Variants in ZC3H12B observed in about 807,000 individuals in gnomAD.
The protein encoded by ZC3H12B is probable ribonuclease ZC3H12B.
In ZC3H12B, 7 loss-of-function variants were observed where a neutral mutation model predicts 43.9. That is an observed-to-expected ratio of 0.16 (90% CI 0.09 to 0.30). The LOEUF is 0.30. Among genes scored for constraint, ZC3H12B ranks in the 10% least tolerant of loss-of-function variants. The pLI is 1.00. For missense variants in ZC3H12B, 475 were observed against 670.2 expected (o/e 0.71, Z 3.22); for synonymous variants, 222 against 241.7 (o/e 0.92, Z 0.76).
intron 3 of ZC3H12B, among the ~76,000 whole-genome samples, chrX:65,448,093 G>A (rs1357851690): frequency 9.0e-6 from 1 of 110,640 alleles, no homozygotes; most frequent in African/African-American, 3.3e-5. Context: ...AAATTAGCCG[G>A]GTGTGGTGGT....
the ZC3H12B span, among the ~76,000 whole-genome samples, chrX:65,349,333 A>G: frequency 1.8e-5 from 2 of 112,111 alleles, no homozygotes; most frequent in Non-Finnish European, 3.8e-5. Context: ...ACGAAGACAC[A>G]GTGTACCAGA....
the ZC3H12B span, among the ~76,000 whole-genome samples, chrX:65,090,705 A>G: frequency 2.7e-5 from 3 of 110,774 alleles, no homozygotes; most frequent in Non-Finnish European, 3.8e-5. Context: ...AGATGGGGAG[A>G]TTTTCCTTAG....
chrX:65,197,347 G>T, the ZC3H12B span, among the ~76,000 whole-genome samples: 1 of 112,279 alleles, frequency 8.9e-6, no homozygotes, highest in Non-Finnish European at 1.9e-5. Context: ...AAAATCTCCT[G>T]TGCTCCTTGT....
chrX:65,184,330 A>G, the ZC3H12B span, among the ~76,000 whole-genome samples: 4 of 111,451 alleles, frequency 3.6e-5, no homozygotes, highest in East Asian at 8.5e-4. Flanking sequence ...ATAGTATACC[A>G]TGTTATATTT....
chrX:65,255,412 A>C, the ZC3H12B span, among the ~76,000 whole-genome samples: 1 of 112,096 alleles, frequency 8.9e-6, no homozygotes, highest in Non-Finnish European at 1.9e-5. Context: ...AATATTTGTA[A>C]AGAAAAGAAT....
At chrX:65,172,383 G>C in the ZC3H12B span, among the ~76,000 whole-genome samples, 4 of 111,737 alleles carry the variant, frequency 3.6e-5, no homozygotes, top group African/African-American at 1.3e-4. Context: ...TATGTTGCCT[G>C]TTCACTCTGA....
the ZC3H12B span, chrX:65,186,436 G>A: frequency 1.9e-5 from 2 of 104,710 alleles, no homozygotes; most frequent in Non-Finnish European, 3.9e-5. Flanking sequence ...GAGTTGCAGT[G>A]AGCCAAGATC....
intron 2 of ZC3H12B, among the ~76,000 whole-genome samples, chrX:65,389,199 G>T (rs992016088): frequency 1.8e-5 from 2 of 112,258 alleles, no homozygotes; most frequent in African/African-American, 3.2e-5. Flanking sequence ...AGAGGATTCT[G>T]CTGCCTTTTG....
the ZC3H12B span, among the ~76,000 whole-genome samples, chrX:65,344,034 T>G: frequency 8.9e-6 from 1 of 112,055 alleles, no homozygotes; most frequent in African/African-American, 3.2e-5. Flanking sequence ...TATACACCAA[T>G]GACGGTCAAG....
the ZC3H12B span, among the ~76,000 whole-genome samples, chrX:65,154,503 T>G: frequency 8.0e-5 from 9 of 112,193 alleles, no homozygotes; most frequent in African/African-American, 2.9e-4. Context: ...ACATGGACAT[T>G]TATCTCTGTG....
At chrX:65,061,529 G>A in the ZC3H12B span, among the ~76,000 whole-genome samples, 1 of 112,228 alleles carries the variant, frequency 8.9e-6, no homozygotes, top group African/African-American at 3.2e-5. Context: ...GTATTCCATG[G>A]TGTGTATGTG....
chrX:65,467,326 C>T (rs1343651486), intron 3 of ZC3H12B, among the ~76,000 whole-genome samples: 1 of 110,522 alleles, frequency 9.0e-6, no homozygotes, highest in Non-Finnish European at 1.9e-5. Flanking sequence ...TATACAGGTA[C>T]CACATTTTCT....
At chrX:65,376,551 C>T (rs981999010) in intron 2 of ZC3H12B, among the ~76,000 whole-genome samples, 4 of 111,734 alleles carry the variant, frequency 3.6e-5, no homozygotes, top group Non-Finnish European at 5.6e-5. Flanking sequence ...CACACGACAC[C>T]TAGCTCCAAG....
At chrX:65,111,665 C>T in the ZC3H12B span, among the ~76,000 whole-genome samples, 1 of 109,954 alleles carries the variant, frequency 9.1e-6, no homozygotes, top group East Asian at 2.9e-4. Context: ...CACAATATTT[C>T]AACCTTTTTC....
chrX:65,103,924 A>G, the ZC3H12B span, among the ~76,000 whole-genome samples: 1 of 111,814 alleles, frequency 8.9e-6, no homozygotes, highest in Non-Finnish European at 1.9e-5. Context: ...ACTACTTTAA[A>G]TTTCATATGG....
the ZC3H12B span, among the ~76,000 whole-genome samples, chrX:65,145,979 A>G: frequency 7.2e-5 from 8 of 111,424 alleles, no homozygotes; most frequent in African/African-American, 2.6e-4. Flanking sequence ...TCTTCTTGCA[A>G]TGAATTTCCC....
At chrX:65,292,563 T>G in the ZC3H12B span, among the ~76,000 whole-genome samples, 3 of 110,984 alleles carry the variant, frequency 2.7e-5, no homozygotes, top group Non-Finnish European at 5.7e-5. Context: ...ACAAGCAAAC[T>G]ACTCTGGCAC....
At chrX:65,155,786 G>A in the ZC3H12B span, among the ~76,000 whole-genome samples, 1 of 110,655 alleles carries the variant, frequency 9.0e-6, no homozygotes, top group African/African-American at 3.3e-5. Context: ...CTTCAGCTTG[G>A]GAGTACTAGG....
the ZC3H12B span, among the ~76,000 whole-genome samples, chrX:65,287,753 G>A: frequency 9.0e-6 from 1 of 110,770 alleles, no homozygotes; most frequent in South Asian, 3.8e-4. Context: ...GCACCTCAAG[G>A]AACTAGACAA....
Sources: gnomAD v4.1 joint callset for allele counts (sites outside exome capture counted in the v4.1 genomes callset) on GRCh38, gnomAD v4.1.1 for gene constraint, MANE v1.5 for transcripts, NCBI Gene and HGNC (gene_info 2026-07-23, HGNC 2026-07-21) for gene names.